Variants in ROBO2 observed in about 807,000 individuals in gnomAD.
ROBO2 encodes the protein roundabout homolog 2.
In ROBO2, 53 loss-of-function variants were observed where a neutral mutation model predicts 160.8. That is an observed-to-expected ratio of 0.33 (90% confidence interval 0.26 to 0.41). ROBO2 has a LOEUF of 0.41. Ranked by LOEUF, ROBO2 falls within the 10% of genes least tolerant of loss-of-function variation. ROBO2 has a pLI of 1.00. For synonymous variants in ROBO2, 664 were observed against 611.7 expected (o/e 1.09, Z -1.26); for missense variants, 1,577 against 1,722.4 (o/e 0.92, Z 1.49).
chr3:76,224,671 AATTCAT>A (rs1704174539), intron 2 of ROBO2, among the ~76,000 whole-genome samples: 1 of 152,144 alleles, frequency 6.6e-6, no homozygotes, highest in South Asian at 2.1e-4. Flanking sequence ...CGACTTACCT[AATTCAT>A]AATTTTCTAA....
At chr3:76,655,294 AAC>A (rs1283364013) in intron 2 of ROBO2, among the ~76,000 whole-genome samples, 1 of 150,662 alleles carries the variant, frequency 6.6e-6, no homozygotes, top group African/African-American at 2.4e-5. Flanking sequence ...ATTATGGCTA[AAC>A]ACAAACAAGG....
intron 2 of ROBO2, among the ~76,000 whole-genome samples, chr3:77,471,295 G>A (rs1201057550): frequency 1.3e-5 from 2 of 152,178 alleles, no homozygotes; most frequent in Non-Finnish European, 2.9e-5. Context: ...GAGGGTTTGG[G>A]GTGGGAAAGG....
At chr3:76,503,687 A>G (rs1014408073) in intron 2 of ROBO2, among the ~76,000 whole-genome samples, 1 of 152,228 alleles carries the variant, frequency 6.6e-6, no homozygotes, top group Non-Finnish European at 1.5e-5. Flanking sequence ...AAGTGAAATA[A>G]GCCAGGCACA....
chr3:77,204,478 T>C (rs751880866), intron 2 of ROBO2, among the ~76,000 whole-genome samples: 1 of 152,238 alleles, frequency 6.6e-6, no homozygotes, highest in Non-Finnish European at 1.5e-5. Context: ...GATGCATTTA[T>C]GGCAAGAGTT....
intron 2 of ROBO2, among the ~76,000 whole-genome samples, chr3:75,942,169 AT>A (rs1948088655): frequency 6.6e-6 from 1 of 152,194 alleles, no homozygotes; most frequent in East Asian, 1.9e-4. Context: ...ATCTCAGATC[AT>A]GTGATCTATG....
In ROBO2 at chr3:76,474,781, G is replaced by T. The variant is rs183566268; in HGVS notation, c.109+537179G>T. 5.3e-5 allele frequency among the ~76,000 whole-genome samples: 8 copies of T among 152,208 alleles called. No homozygotes were observed. The East Asian group carries it at 1.5e-3, about 29-fold the overall frequency. ...AAGTTTGAATTAGGTGGCTCCACAGGTATCAGCTGGGCTCACTCTTGCATC... is the reference window on the plus strand; with the variant it reads ...AAGTTTGAATTAGGTGGCTCCACAGTTATCAGCTGGGCTCACTCTTGCATC... On this transcript the variant is annotated intron_variant, in intron 2 of 26. Coordinates refer to the ROBO2 transcript ENST00000487694.
intron 2 of ROBO2, among the ~76,000 whole-genome samples, chr3:76,873,647 T>C (rs980680198): frequency 2.6e-5 from 4 of 152,032 alleles, no homozygotes; most frequent in Non-Finnish European, 5.9e-5. Flanking sequence ...CCCAGGATGG[T>C]CTCAAACTCC....
chr3:76,853,976 T>C (rs941646099), intron 2 of ROBO2, among the ~76,000 whole-genome samples: 1 of 151,764 alleles, frequency 6.6e-6, no homozygotes, highest in African/African-American at 2.4e-5. Flanking sequence ...TGCAGTCTTC[T>C]GGAAAAATGC....
intron 2 of ROBO2, among the ~76,000 whole-genome samples, chr3:76,046,509 C>T (rs1260313503): frequency 6.6e-6 from 1 of 150,918 alleles, no homozygotes; most frequent in Admixed American, 6.6e-5. Flanking sequence ...ATTAGCCGGG[C>T]GTGGTGGCAG....
chr3:77,532,660 C>A (rs989827040), intron 6 of ROBO2, among the ~76,000 whole-genome samples: 53 of 151,614 alleles, frequency 3.5e-4, no homozygotes, highest in African/African-American at 1.1e-3. Context: ...GACAATATAC[C>A]GCGTCTCTAA....
At chr3:76,295,620 G>T (rs1709030742) in intron 2 of ROBO2, among the ~76,000 whole-genome samples, 1 of 152,056 alleles carries the variant, frequency 6.6e-6, no homozygotes, top group African/African-American at 2.4e-5. Context: ...TTAGAATTTT[G>T]TGTCTGTGTG....
chr3:77,116,675 T>G (rs898674360), intron 2 of ROBO2, among the ~76,000 whole-genome samples: 3 of 152,200 alleles, frequency 2.0e-5, no homozygotes, highest in Non-Finnish European at 4.4e-5. Flanking sequence ...GTTCCCAAAG[T>G]CAGATGGAAA....
intron 2 of ROBO2, among the ~76,000 whole-genome samples, chr3:77,255,632 C>T (rs2090840692): frequency 6.6e-6 from 1 of 152,152 alleles, no homozygotes; most frequent in Non-Finnish European, 1.5e-5. Flanking sequence ...TTAGGAGATA[C>T]CATAGATTTG....
intron 2 of ROBO2, among the ~76,000 whole-genome samples, chr3:76,900,233 A>C (rs1390532297): frequency 6.6e-6 from 1 of 152,048 alleles, no homozygotes; most frequent in Non-Finnish European, 1.5e-5. Flanking sequence ...CTCCCACAAC[A>C]TGTGGGAATT....
chr3:76,641,049 A>G (rs192143031), intron 2 of ROBO2, among the ~76,000 whole-genome samples: 5 of 152,364 alleles, frequency 3.3e-5, no homozygotes. Flanking sequence ...TAATCAATAC[A>G]TATAGAAGAA....
At chr3:76,937,866 C>T (rs574983320) in intron 2 of ROBO2, among the ~76,000 whole-genome samples, 2 of 152,102 alleles carry the variant, frequency 1.3e-5, no homozygotes, top group African/African-American at 4.8e-5. Flanking sequence ...ACAGTGTTAC[C>T]GTACCCTCTA....
chr3:77,257,991 G>T (rs1393206509), intron 2 of ROBO2, among the ~76,000 whole-genome samples: 1 of 152,158 alleles, frequency 6.6e-6, no homozygotes, highest in African/African-American at 2.4e-5. Context: ...ACTAGAATTT[G>T]GGGAAAAATA....
At chr3:76,335,824 C>T (rs1270358712) in intron 2 of ROBO2, among the ~76,000 whole-genome samples, 1 of 152,156 alleles carries the variant, frequency 6.6e-6, no homozygotes, top group Non-Finnish European at 1.5e-5. Context: ...GATCCGCCCG[C>T]CTCGTCCTCC....
intron 2 of ROBO2, among the ~76,000 whole-genome samples, chr3:77,341,453 A>T (rs915031244): frequency 6.6e-6 from 1 of 152,096 alleles, no homozygotes; most frequent in Non-Finnish European, 1.5e-5. Context: ...ACAACATTCA[A>T]CCCATTAAGT....
Sources: allele counts gnomAD v4.1 joint callset (sites outside exome capture counted in the v4.1 genomes callset), GRCh38; gene constraint gnomAD v4.1.1; transcripts MANE v1.5; gene names NCBI Gene and HGNC (gene_info 2026-07-23, HGNC 2026-07-21).